Variants in TMEM132B observed in about 807,000 individuals in gnomAD.
The protein encoded by TMEM132B is transmembrane protein 132B.
Under a neutral mutation model 90.8 loss-of-function variants are expected in TMEM132B, and 18 were observed. The observed-to-expected ratio is 0.20, with a 90% CI of 0.14 to 0.29. TMEM132B has a LOEUF of 0.29. Ranked by LOEUF, TMEM132B falls within the 10% of genes least tolerant of loss-of-function variation. The pLI, the probability that TMEM132B is intolerant of heterozygous loss-of-function variation, is 1.00. For missense variants in TMEM132B, 1,096 were observed against 1,326.8 expected (o/e 0.83, Z 2.70); for synonymous variants, 504 against 523.3 (o/e 0.96, Z 0.50).
At chr12:125,482,858 A>T (rs1356939090) in intron 3 of TMEM132B, among the ~76,000 whole-genome samples, 1 of 152,204 alleles carries the variant, frequency 6.6e-6, no homozygotes, top group Non-Finnish European at 1.5e-5. Context: ...ATGTCCATCA[A>T]TGATAGACTG....
intron 4 of TMEM132B, among the ~76,000 whole-genome samples, chr12:125,560,599 G>A (rs1884497448): frequency 6.6e-6 from 1 of 151,374 alleles, no homozygotes; most frequent in African/African-American, 2.4e-5. Flanking sequence ...GAGGCGGGTG[G>A]ATCATGAGGT....
intron 1 of TMEM132B, among the ~76,000 whole-genome samples, chr12:125,338,604 A>T (rs1357242866): frequency 6.6e-6 from 1 of 152,100 alleles, no homozygotes; most frequent in Non-Finnish European, 1.5e-5. Flanking sequence ...CTTACTGTAC[A>T]TGCCAGCAGG....
chr12:125,444,800 C>T (rs1880959697), intron 3 of TMEM132B, among the ~76,000 whole-genome samples: 1 of 152,110 alleles, frequency 6.6e-6, no homozygotes. Context: ...GCGAGATTAT[C>T]CTAGATAATC....
chr12:125,401,850 AT>A (rs1281434486), intron 2 of TMEM132B, among the ~76,000 whole-genome samples: 1 of 152,188 alleles, frequency 6.6e-6, no homozygotes, highest in African/African-American at 2.4e-5. Context: ...TCCTTGAGAA[AT>A]GAAATAAAGA....
chr12:125,243,932 CA>C (rs1874148543), intron 1 of TMEM132B, among the ~76,000 whole-genome samples: 1 of 152,236 alleles, frequency 6.6e-6, no homozygotes, highest in South Asian at 2.1e-4. Context: ...CCTCTCCCCC[CA>C]GCCCCTGCCC....
At chr12:125,564,531 GTTCGTGAAAGC>G (rs1379044680) in intron 4 of TMEM132B, among the ~76,000 whole-genome samples, 1 of 152,194 alleles carries the variant, frequency 6.6e-6, no homozygotes, top group Non-Finnish European at 1.5e-5. Flanking sequence ...AAGACAGATT[GTTCGTGAAAGC>G]TTCTTAATTA....
At chr12:125,516,974 A>G (rs1052996613) in intron 3 of TMEM132B, among the ~76,000 whole-genome samples, 1 of 152,204 alleles carries the variant, frequency 6.6e-6, no homozygotes, top group Non-Finnish European at 1.5e-5. Flanking sequence ...GGGAAATGGC[A>G]GGGGTGCAGG....
chr12:125,370,893 A>T (rs752522062), intron 2 of TMEM132B, among the ~76,000 whole-genome samples: 2 of 152,218 alleles, frequency 1.3e-5, no homozygotes, highest in Non-Finnish European at 2.9e-5. Flanking sequence ...TGGATATATG[A>T]CAGGGAGTTT....
Position 125,654,723 on chromosome 12 carries a change from T to G in TMEM132B, c.*13T>G. 6.2e-7 allele frequency: 1 copy of G among 1,606,210 alleles called. No individual in the cohort carries two copies. Among genetic ancestry groups the G allele is most frequent in the Non-Finnish European group, 8.5e-7 (1 of 1,175,624 alleles). ...AGACCAGATGTAAACTCCTTTCTTA[T>G]GTTTGTATTCACCTTTATGCCTTCT... On this transcript the variant is annotated 3_prime_UTR_variant, in exon 9 of 9. Transcript: ENST00000682704. The surrounding 1 kb of genome is among the most constrained non-coding windows in gnomAD (Gnocchi z 5.8).
chr12:125,480,984 C>G (rs1882023782), intron 3 of TMEM132B, among the ~76,000 whole-genome samples: 1 of 152,098 alleles, frequency 6.6e-6, no homozygotes, highest in Non-Finnish European at 1.5e-5. Flanking sequence ...TAATCCATCA[C>G]ATAAACAGAA....
At chr12:125,639,319 T>C (rs1886569273) in intron 5 of TMEM132B, among the ~76,000 whole-genome samples, 1 of 152,250 alleles carries the variant, frequency 6.6e-6, no homozygotes, top group Non-Finnish European at 1.5e-5. Flanking sequence ...ACTTTCACTT[T>C]TCTTAATGTC....
At chr12:125,630,526 C>T (rs1350445081) in intron 5 of TMEM132B, among the ~76,000 whole-genome samples, 1 of 151,924 alleles carries the variant, frequency 6.6e-6, no homozygotes, top group Non-Finnish European at 1.5e-5. Flanking sequence ...GATCTTATCT[C>T]TTTTTTTCTT....
At chr12:125,631,385 T>C (rs1886365192) in intron 5 of TMEM132B, among the ~76,000 whole-genome samples, 1 of 152,174 alleles carries the variant, frequency 6.6e-6, no homozygotes, top group South Asian at 2.1e-4. Context: ...TAAAGTGTTT[T>C]AAGACTTGTT....
chr12:125,548,451 G>A (rs1051559239), intron 4 of TMEM132B, among the ~76,000 whole-genome samples: 4 of 152,132 alleles, frequency 2.6e-5, no homozygotes, highest in Non-Finnish European at 5.9e-5. Context: ...CCCATTAATA[G>A]ATTGTGACTC....
chr12:125,452,253 C>G (rs1285971956), intron 3 of TMEM132B, among the ~76,000 whole-genome samples: 1 of 152,076 alleles, frequency 6.6e-6, no homozygotes, highest in Non-Finnish European at 1.5e-5. Context: ...CTCTTGTTGT[C>G]CCCAGCAGGA....
chr12:125,366,108 G>A (rs957504681), intron 2 of TMEM132B, among the ~76,000 whole-genome samples: 9 of 151,782 alleles, frequency 5.9e-5, no homozygotes, highest in African/African-American at 2.2e-4. Flanking sequence ...ATATGTTAGT[G>A]AGAACATGTG....
chr12:125,231,957 C>T (rs1447072311), intron 1 of TMEM132B, among the ~76,000 whole-genome samples: 2 of 151,846 alleles, frequency 1.3e-5, no homozygotes, highest in Non-Finnish European at 2.9e-5. Context: ...AATATATGCA[C>T]AAACCAGTCC....
In TMEM132B at chr12:125,659,580, G is replaced by T. The variant is rs1887158522; in HGVS notation, c.*4870G>T. 6.6e-6 allele frequency: 1 copy of T among 152,234 alleles called. No individual in the cohort carries two copies. The highest frequency in any genetic ancestry group is 1.5e-5 in the Non-Finnish European group (1 of 68,082). The allele number at this position is 152,234 out of a possible 1,614,324, so 9.4% of individuals were successfully genotyped here. On this transcript the variant is annotated 3_prime_UTR_variant, in exon 9 of 9. Transcript: ENST00000682704. Reference sequence around the variant, plus strand: ...AAGATGGGTGGTACACTTGCCAAGTGCCTAGAGGGGCTAGAGGCTCTCTGT... The same window carrying T: ...AAGATGGGTGGTACACTTGCCAAGTTCCTAGAGGGGCTAGAGGCTCTCTGT...
intron 7 of TMEM132B, among the ~76,000 whole-genome samples, chr12:125,651,994 G>A (rs1886934773): frequency 6.6e-6 from 1 of 152,082 alleles, no homozygotes; most frequent in Non-Finnish European, 1.5e-5. Flanking sequence ...TTCCCCTTCT[G>A]CCCCTAGCCA....
Sources: allele counts gnomAD v4.1 joint callset (sites outside exome capture counted in the v4.1 genomes callset), GRCh38; gene constraint gnomAD v4.1.1; non-coding constraint Gnocchi (gnomAD v3.1); transcripts MANE v1.5; gene names NCBI Gene and HGNC (gene_info 2026-07-23, HGNC 2026-07-21).